The following ABCA4 variants were observed in gnomAD, a reference collection of about 807,000 sequenced individuals.
The protein encoded by ABCA4 is retinal-specific phospholipid-transporting ATPase ABCA4.
ABCA4 carries 196 observed loss-of-function variants against 263.7 expected under a neutral mutation model. The ratio of observed to expected loss-of-function variants is 0.74; its 90% confidence interval spans 0.66 to 0.84. ABCA4 has a LOEUF of 0.84. Among genes scored for constraint, ABCA4 ranks in the 40% least tolerant of loss-of-function variants. The probability of loss-of-function intolerance (pLI) is 0.00; values close to 1 mark genes in which losing one functional copy is unlikely to be tolerated. For missense variants in ABCA4, 2,792 were observed against 2,855.1 expected (o/e 0.98, Z 0.50); for synonymous variants, 1,133 against 1,094.2 (o/e 1.04, Z -0.70).
At chr1:94,074,581 C>A (rs1661488624) in intron 11 of ABCA4, among the ~76,000 whole-genome samples, 1 of 152,214 alleles carries the variant, frequency 6.6e-6, no homozygotes, top group South Asian at 2.1e-4. Flanking sequence ...AGGCAACCTG[C>A]AGAATGAGAG....
At chr1:94,031,479 A>T (rs1660199702) in intron 27 of ABCA4, among the ~76,000 whole-genome samples, 1 of 152,270 alleles carries the variant, frequency 6.6e-6, no homozygotes, top group African/African-American at 2.4e-5. Context: ...TTTGATATGT[A>T]GGGTCACTGC....
At position 94,001,927 on chromosome 1, in the gene ABCA4, G is replaced by C. The variant is rs62642580; in HGVS notation, c.6213C>G (p.Tyr2071Ter). 6.2e-7 allele frequency: 1 copy of C among 1,614,190 alleles called. No individual in the cohort carries two copies. Among genetic ancestry groups the C allele is most frequent in the Non-Finnish European group, 8.5e-7 (1 of 1,180,032 alleles). ...TVYADCLAGT[Y>*]SGGNKRKLST... The stretch of plus-strand genomic sequence containing the variant: ...AGAGTTTCCGCTTGTTGCCCCCACT[G>C]TACGTGCCAGCCAGGCAGTCGGCGT... Residue 2071 changes from tyrosine (Y) to a stop codon, truncating the protein, a stop_gained, in exon 45 of 50, where the codon TAC becomes TAG. Coordinates refer to ENST00000370225, the MANE Select transcript of ABCA4 (RefSeq NM_000350.3). LOFTEE classifies it high-confidence loss of function.
chr1:94,033,423 CAAA>C (rs11459922), intron 26 of ABCA4, among the ~76,000 whole-genome samples: 3 of 109,056 alleles, frequency 2.8e-5, no homozygotes. Context: ...AACTCTATCT[CAAA>C]AAAAAAAAAA....
At chr1:94,040,197 C>T in intron 23 of ABCA4, 70 bp from the exon 24 acceptor site, 2 of 1,241,656 alleles carry the variant, frequency 1.6e-6, no homozygotes, top group Non-Finnish European at 2.3e-6. Flanking sequence ...CTGATGCCAG[C>T]TGCTGTCACC....
intron 4 of ABCA4, among the ~76,000 whole-genome samples, chr1:94,105,108 T>C (rs1285606692): frequency 3.9e-5 from 6 of 152,218 alleles, no homozygotes; most frequent in Non-Finnish European, 8.8e-5. Context: ...TACCTAGCAA[T>C]GCTGGGTGCA....
intron 6 of ABCA4, among the ~76,000 whole-genome samples, chr1:94,085,357 C>A (rs1661802490): frequency 6.6e-6 from 1 of 152,096 alleles, no homozygotes; most frequent in Admixed American, 6.5e-5. Flanking sequence ...ATACTTTTTT[C>A]CTACAATAAA....
At chr1:94,024,845 A>G in intron 31 of ABCA4, 109 bp downstream of exon 31, 2 of 990,600 alleles carry the variant, frequency 2.0e-6, no homozygotes, top group Non-Finnish European at 1.5e-6. Flanking sequence ...AAAGAAAAAA[A>G]TCTACTGCCC....
At chr1:93,993,474 C>A (rs1250763029) in intron 49 of ABCA4, among the ~76,000 whole-genome samples, 2 of 151,810 alleles carry the variant, frequency 1.3e-5, no homozygotes, top group Non-Finnish European at 2.9e-5. Context: ...TACAAAGACA[C>A]ACATACGAGA....
chr1:94,057,910 A>G (rs895584280), intron 14 of ABCA4, among the ~76,000 whole-genome samples: 1 of 152,232 alleles, frequency 6.6e-6, no homozygotes, highest in African/African-American at 2.4e-5. Flanking sequence ...TCCCAGGAAC[A>G]TAAAGGAACA....
chr1:94,109,521 G>A (rs1662541861), intron 3 of ABCA4, among the ~76,000 whole-genome samples: 1 of 152,212 alleles, frequency 6.6e-6, no homozygotes, highest in Non-Finnish European at 1.5e-5. Context: ...CAGGAATTTG[G>A]ATGGTGTTCA....
intron 44 of ABCA4, among the ~76,000 whole-genome samples, chr1:94,004,049 G>T (rs1015050420): frequency 6.6e-6 from 1 of 152,150 alleles, no homozygotes; most frequent in Non-Finnish European, 1.5e-5. Flanking sequence ...GGAGGAATCA[G>T]GGTTACTTTT....
In ABCA4 at chr1:94,000,673, G is replaced by C. The variant is rs111998477; in HGVS notation, c.6479+163C>G. On this transcript the variant is annotated intron_variant, in intron 47 of 49. Transcript: ENST00000370225. ...ATATAGAGGAGTTTCTTATCAGCATGATGGCCTTCTCCATCTGCTGCTGGA... is the reference window on the plus strand; with the variant it reads ...ATATAGAGGAGTTTCTTATCAGCATCATGGCCTTCTCCATCTGCTGCTGGA... 7.9e-3 allele frequency among the ~76,000 whole-genome samples: 1,209 copies of C among 152,288 alleles called. 19 individuals are homozygous for C. The highest frequency in any genetic ancestry group is 0.028 in the African/African-American group (1,158 of 41,548).
intron 26 of ABCA4, among the ~76,000 whole-genome samples, chr1:94,034,901 G>A (rs921815505): frequency 1.3e-5 from 2 of 152,194 alleles, no homozygotes; most frequent in Non-Finnish European, 2.9e-5. Flanking sequence ...AAGTCGGCAA[G>A]CATTAACTCA....
At chr1:94,067,448 C>CA (rs1661299787) in intron 11 of ABCA4, among the ~76,000 whole-genome samples, 1 of 152,168 alleles carries the variant, frequency 6.6e-6, no homozygotes, top group Non-Finnish European at 1.5e-5. Flanking sequence ...CATCCCCCTA[C>CA]AATGATACCT....
At chr1:94,008,977 G>T (rs1659475631) in intron 40 of ABCA4, 106 bp from the exon 41 acceptor site, 2 of 1,506,142 alleles carry the variant, frequency 1.3e-6, no homozygotes, top group Admixed American at 3.6e-5. Flanking sequence ...TTCCTTCTGG[G>T]CTTCCATCCT....
chr1:94,093,547 A>G (rs1662033580), intron 6 of ABCA4, among the ~76,000 whole-genome samples: 1 of 152,194 alleles, frequency 6.6e-6, no homozygotes, highest in African/African-American at 2.4e-5. Context: ...AAAGGCCAGG[A>G]CCCCAGGACT....
chr1:94,083,713 C>T (rs542626093), intron 6 of ABCA4, among the ~76,000 whole-genome samples: 32 of 152,268 alleles, frequency 2.1e-4, no homozygotes, highest in African/African-American at 7.0e-4. Context: ...CAAAGTGATT[C>T]TAATTGCTGT....
chr1:94,044,881 A>C, intron 19 of ABCA4, 137 bp from the exon 20 acceptor site: 1 of 1,374,326 alleles, frequency 7.3e-7, no homozygotes, highest in Admixed American at 1.8e-5. Flanking sequence ...AACCCCTATT[A>C]GCTGTGGGGC....
chr1:94,028,465 G>A (rs1660095651), intron 30 of ABCA4, among the ~76,000 whole-genome samples: 1 of 152,224 alleles, frequency 6.6e-6, no homozygotes, highest in Non-Finnish European at 1.5e-5. Context: ...ACCTGCAGAT[G>A]TTAGAGACAC....
Sources: allele counts gnomAD v4.1 joint callset (sites outside exome capture counted in the v4.1 genomes callset), GRCh38; gene constraint gnomAD v4.1.1; transcripts MANE v1.5; gene names NCBI Gene and HGNC (gene_info 2026-07-23, HGNC 2026-07-21).